The following DLG2 variants were observed in gnomAD, a reference collection of about 807,000 sequenced individuals.
DLG2 encodes disks large homolog 2.
A neutral mutation model predicts 132.5 loss-of-function variants in DLG2; 45 were observed. The ratio of observed to expected loss-of-function variants is 0.34; its 90% CI spans 0.27 to 0.44. DLG2 has a LOEUF of 0.44. Among genes scored for constraint, DLG2 ranks in the 20% least tolerant of loss-of-function variants. The pLI is 1.00. For synonymous variants in DLG2, 424 were observed against 419.6 expected (o/e 1.01, Z -0.13); for missense variants, 1,045 against 1,196.9 (o/e 0.87, Z 1.87).
chr11:84,390,539 G>A (rs925230048), intron 7 of DLG2, among the ~76,000 whole-genome samples: 2 of 152,126 alleles, frequency 1.3e-5, no homozygotes. Flanking sequence ...AACTGTATGA[G>A]TTTCGAATGG....
At chr11:84,275,711 C>T (rs1258012784) in intron 7 of DLG2, among the ~76,000 whole-genome samples, 2 of 152,116 alleles carry the variant, frequency 1.3e-5, no homozygotes, top group Admixed American at 6.5e-5. Flanking sequence ...TTGCCTCTAC[C>T]TTTAAGGAGA....
intron 6 of DLG2, among the ~76,000 whole-genome samples, chr11:84,796,839 T>TTTTATTTATTTA (rs564095288): frequency 0.038 from 5,679 of 149,814 alleles, 165 homozygotes; most frequent in Non-Finnish European, 0.058. Context: ...TTTTATTATA[T>TTTTATTTATTTA]TTTATTTATT....
intron 6 of DLG2, among the ~76,000 whole-genome samples, chr11:85,101,986 A>G (rs2070924434): frequency 6.6e-6 from 1 of 152,072 alleles, no homozygotes; most frequent in Admixed American, 6.6e-5. Context: ...TACTGTGAAG[A>G]AAGACCTTCA....
At chr11:84,774,086 C>G (rs1435841947) in intron 6 of DLG2, among the ~76,000 whole-genome samples, 1 of 151,192 alleles carries the variant, frequency 6.6e-6, no homozygotes, top group Non-Finnish European at 1.5e-5. Context: ...CTTCAGTAAA[C>G]TTTCAGGACA....
chr11:85,514,336 C>A (rs1565617355), intron 3 of DLG2, among the ~76,000 whole-genome samples: 1 of 151,928 alleles, frequency 6.6e-6, no homozygotes, highest in Non-Finnish European at 1.5e-5. Flanking sequence ...CCAGATACAC[C>A]TAGGTTTAAA....
At chr11:83,982,480 T>TAAAAAAAAAAAAAAAAAAAAA (rs58418988) in intron 11 of DLG2, among the ~76,000 whole-genome samples, 1 of 68,622 alleles carries the variant, frequency 1.5e-5, no homozygotes, top group Non-Finnish European at 3.5e-5. Context: ...GTTTAACGTG[T>TAAAAAAAAAAAAAAAAAAAAA]AAAAAAAAAA....
At chr11:85,408,103 G>A (rs2088940248) in intron 3 of DLG2, among the ~76,000 whole-genome samples, 2 of 150,076 alleles carry the variant, frequency 1.3e-5, no homozygotes, top group Non-Finnish European at 3.0e-5. Context: ...TTTATTTTCT[G>A]GGCACCTTTT....
In DLG2 at chr11:85,258,047, G is replaced by A. The variant is rs1429616567; in HGVS notation, c.186+27173C>T. Among the ~76,000 whole-genome samples the A allele has an allele frequency of 3.3e-5, 5 of 152,236 alleles. No individual in the cohort carries two copies. In the East Asian group the frequency reaches 9.7e-4, roughly 29 times the overall value. On this transcript the variant is annotated intron_variant, in intron 4 of 27. Transcript: ENST00000376104. ...GAACTGATACTGTGGTTGTCTTACA[G>A]ACCATTTAAGGTCACATTAGCTAAG...
chr11:84,292,559 C>T (rs970140707), intron 7 of DLG2, among the ~76,000 whole-genome samples: 1 of 152,110 alleles, frequency 6.6e-6, no homozygotes, highest in South Asian at 2.1e-4. Context: ...CCTACCATAG[C>T]CAATTCTTCC....
intron 3 of DLG2, among the ~76,000 whole-genome samples, chr11:85,473,614 G>T (rs918606181): frequency 6.6e-6 from 1 of 151,500 alleles, no homozygotes; most frequent in African/African-American, 2.4e-5. Flanking sequence ...CTTTTAAAAG[G>T]TTTAAAAATT....
chr11:85,601,141 T>G (rs1005896414), intron 2 of DLG2, among the ~76,000 whole-genome samples: 1 of 152,186 alleles, frequency 6.6e-6, no homozygotes, highest in Non-Finnish European at 1.5e-5. Context: ...GTTGAGTATT[T>G]ATTACTTTTT....
chr11:83,674,221 T>C (rs2077311717), intron 18 of DLG2, among the ~76,000 whole-genome samples: 1 of 152,174 alleles, frequency 6.6e-6, no homozygotes, highest in Non-Finnish European at 1.5e-5. Context: ...AAGCAGCTTG[T>C]AGAGGAGCAC....
intron 6 of DLG2, among the ~76,000 whole-genome samples, chr11:84,622,463 A>G (rs1050353155): frequency 6.6e-6 from 1 of 152,302 alleles, no homozygotes; most frequent in Non-Finnish European, 1.5e-5. Flanking sequence ...TTCCTTCATA[A>G]GAGTCTGATC....
chr11:83,604,892 C>A (rs2059095651), intron 19 of DLG2, among the ~76,000 whole-genome samples: 1 of 152,052 alleles, frequency 6.6e-6, no homozygotes. Flanking sequence ...TTATGGGAGG[C>A]TATTGTTTGG....
In DLG2 at chr11:83,830,886, A is replaced by G. The variant is rs184055534; in HGVS notation, c.1722+2728T>C. On this transcript the variant is annotated intron_variant, in intron 17 of 27. Coordinates refer to ENST00000376104, the MANE Select transcript of DLG2 (RefSeq NM_001142699.3). ...CATGTGACAGTGCTTTGTGTCTGGG[A>G]ACATTTAATGACGATATGAATGCTG... Among the ~76,000 whole-genome samples the G allele has an allele frequency of 5.3e-4, 80 of 152,330 alleles. 1 individual carries two copies. Among genetic ancestry groups the G allele is most frequent in the African/African-American group, 1.7e-3 (71 of 41,580 alleles).
intron 7 of DLG2, among the ~76,000 whole-genome samples, chr11:84,530,828 G>A (rs1012372949): frequency 2.6e-5 from 4 of 152,350 alleles, no homozygotes; most frequent in African/African-American, 7.2e-5. Flanking sequence ...GCAAAGGTAT[G>A]TTCCTTGCAG....
intron 19 of DLG2, among the ~76,000 whole-genome samples, chr11:83,588,568 T>C (rs1428979216): frequency 1.3e-5 from 2 of 151,898 alleles, no homozygotes; most frequent in East Asian, 1.9e-4. Context: ...CTGGAAACTC[T>C]AAAAAGCAGA....
chr11:83,615,801 C>T (rs990604575), intron 19 of DLG2, among the ~76,000 whole-genome samples: 3 of 152,198 alleles, frequency 2.0e-5, no homozygotes, highest in African/African-American at 7.2e-5. Flanking sequence ...TTTGGTCTTA[C>T]AACTGCGTGG....
rs550190485 is a variant in DLG2 at position 85,585,887 on chromosome 11, TG to T, written c.40+12769del. ...CACCACAATGCCCGGCTAATTTTTT[TG>T]TATATGTTTTTTGTAGTGACAGGGT... On this transcript the variant is annotated intron_variant, in intron 3 of 27. Coordinates refer to ENST00000376104, the MANE Select transcript of DLG2 (RefSeq NM_001142699.3). Among the ~76,000 whole-genome samples, 49 of 152,222 alleles carry T rather than the reference TG, an allele frequency of 3.2e-4. 1 individual carries two copies. In the East Asian group the frequency reaches 8.7e-3, roughly 27 times the overall value.
Sources: allele counts gnomAD v4.1 joint callset (sites outside exome capture counted in the v4.1 genomes callset), GRCh38; gene constraint gnomAD v4.1.1; transcripts MANE v1.5; gene names NCBI Gene and HGNC (gene_info 2026-07-23, HGNC 2026-07-21).